Variants in CAPZB observed in about 807,000 individuals in gnomAD.
CAPZB encodes F-actin-capping protein subunit beta.
Under a neutral mutation model 38.1 loss-of-function variants are expected in CAPZB, and 2 were observed. The observed-to-expected ratio is 0.05, with a 90% CI of 0.02 to 0.17. The LOEUF (loss-of-function observed/expected upper bound fraction) is 0.17. CAPZB is among the 10% of genes least tolerant of loss of function. CAPZB has a pLI of 1.00. For missense variants in CAPZB, 161 were observed against 334.2 expected (o/e 0.48, Z 4.04); for synonymous variants, 107 against 127.4 (o/e 0.84, Z 1.08).
intron 1 of CAPZB, chr1:19,484,275 T>A: frequency 6.2e-7 from 1 of 1,611,676 alleles, no homozygotes; most frequent in Non-Finnish European, 8.5e-7. Context: ...CCTGCTTGGG[T>A]GCATCGTGTC....
At chr1:19,371,974 G>C (rs991359651) in intron 4 of CAPZB, among the ~76,000 whole-genome samples, 9 of 152,202 alleles carry the variant, frequency 5.9e-5, no homozygotes, top group African/African-American at 2.2e-4. Flanking sequence ...AGCCCAGGCC[G>C]GGGGGTGGGG....
At chr1:19,476,231 G>GATAA (rs2094606657) in intron 1 of CAPZB, among the ~76,000 whole-genome samples, 1 of 149,966 alleles carries the variant, frequency 6.7e-6, no homozygotes, top group African/African-American at 2.5e-5. Context: ...TAGATAGGCA[G>GATAA]GCAGGCAGGC....
At chr1:19,346,710 G>A (rs1308885557) in intron 6 of CAPZB, among the ~76,000 whole-genome samples, 1 of 151,982 alleles carries the variant, frequency 6.6e-6, no homozygotes, top group African/African-American at 2.4e-5. Flanking sequence ...GCAGAGGGCA[G>A]GAGAGAACCA....
At chr1:19,410,601 C>T (rs1319199217) in intron 2 of CAPZB, among the ~76,000 whole-genome samples, 1 of 152,166 alleles carries the variant, frequency 6.6e-6, no homozygotes, top group Non-Finnish European at 1.5e-5. Flanking sequence ...CTCTGCTGGT[C>T]AAGCTCTGGA....
intron 2 of CAPZB, among the ~76,000 whole-genome samples, chr1:19,418,285 G>A (rs1033770489): frequency 2.6e-5 from 4 of 151,694 alleles, no homozygotes; most frequent in South Asian, 2.1e-4. Context: ...CAGGAGTAAC[G>A]AGGGCAGCTG....
At chr1:19,375,868 C>T (rs2094142008) in intron 4 of CAPZB, among the ~76,000 whole-genome samples, 1 of 152,142 alleles carries the variant, frequency 6.6e-6, no homozygotes, top group Non-Finnish European at 1.5e-5. Context: ...GTCCTATAGT[C>T]ACTGTAAGGA....
At chr1:19,462,685 T>C (rs891065710) in intron 1 of CAPZB, among the ~76,000 whole-genome samples, 6 of 152,108 alleles carry the variant, frequency 3.9e-5, no homozygotes, top group Non-Finnish European at 4.4e-5. Context: ...TTCAAAACAG[T>C]TAAAAACAGG....
intron 1 of CAPZB, among the ~76,000 whole-genome samples, chr1:19,429,286 A>AC (rs1281348770): frequency 2.6e-5 from 4 of 151,848 alleles, no homozygotes; most frequent in African/African-American, 7.2e-5. Context: ...TTTCAAACAA[A>AC]AAAAAAAAAG....
intron 4 of CAPZB, among the ~76,000 whole-genome samples, chr1:19,366,194 C>T (rs1240324104): frequency 6.6e-6 from 1 of 151,366 alleles, no homozygotes; most frequent in Non-Finnish European, 1.5e-5. Flanking sequence ...CGCCTATAAT[C>T]CCAGCACTTT....
intron 1 of CAPZB, among the ~76,000 whole-genome samples, chr1:19,432,042 CAAAAAAAAAAA>C (rs10583269): frequency 1.7e-4 from 21 of 122,544 alleles, no homozygotes; most frequent in Non-Finnish European, 2.7e-4. Flanking sequence ...GATCCTGTCT[CAAAAAAAAAAA>C]AAAAAAAAAA....
chr1:19,484,191 T>C, intron 1 of CAPZB: 3 of 1,611,752 alleles, frequency 1.9e-6, no homozygotes, highest in Non-Finnish European at 1.7e-6. Context: ...TCTGCTCACC[T>C]GATCCGAGGG....
intron 1 of CAPZB, among the ~76,000 whole-genome samples, chr1:19,481,898 G>T (rs766324709): frequency 6.6e-6 from 1 of 152,112 alleles, no homozygotes; most frequent in Non-Finnish European, 1.5e-5. Flanking sequence ...TCAACAATGT[G>T]AGCCATGAGG....
chr1:19,346,928 A>T (rs2093964726), intron 6 of CAPZB, among the ~76,000 whole-genome samples: 2 of 143,288 alleles, frequency 1.4e-5, no homozygotes, highest in South Asian at 4.3e-4. Flanking sequence ...GGTTCAAGTG[A>T]TTCTCCTGCC....
At chr1:19,391,042 A>G (rs2094231384) in intron 2 of CAPZB, among the ~76,000 whole-genome samples, 1 of 151,120 alleles carries the variant, frequency 6.6e-6, no homozygotes, top group South Asian at 2.1e-4. Flanking sequence ...GCTAGGTTCA[A>G]AAAGAAACTG....
At chr1:19,340,802 A>C (rs1413263675) in intron 8 of CAPZB, among the ~76,000 whole-genome samples, 1 of 152,196 alleles carries the variant, frequency 6.6e-6, no homozygotes, top group African/African-American at 2.4e-5. Context: ...AATTTACCCA[A>C]CATATTGGTT....
chr1:19,425,506 C>G (rs2094419183), intron 1 of CAPZB, among the ~76,000 whole-genome samples: 1 of 151,780 alleles, frequency 6.6e-6, no homozygotes, highest in Non-Finnish European at 1.5e-5. Context: ...GGGGAGTTAC[C>G]CCATTTTAAG....
chr1:19,355,869 A>G (rs1375684526), intron 6 of CAPZB, among the ~76,000 whole-genome samples: 1 of 152,188 alleles, frequency 6.6e-6, no homozygotes, highest in Non-Finnish European at 1.5e-5. Flanking sequence ...GGTCCTGAAC[A>G]TGGACCTTTA....
chr1:19,471,324 G>A (rs931937199), intron 1 of CAPZB, among the ~76,000 whole-genome samples: 2 of 152,106 alleles, frequency 1.3e-5, no homozygotes, highest in Admixed American at 6.6e-5. Context: ...TTCCCCATTT[G>A]TTTCCCTTTA....
chr1:19,469,295 G>A (rs2094578685), intron 1 of CAPZB, among the ~76,000 whole-genome samples: 1 of 152,184 alleles, frequency 6.6e-6, no homozygotes, highest in African/African-American at 2.4e-5. Flanking sequence ...GGCAGTAGAT[G>A]ACTATATGTT....
Sources: gnomAD v4.1 joint callset for allele counts (sites outside exome capture counted in the v4.1 genomes callset) on GRCh38, gnomAD v4.1.1 for gene constraint, MANE v1.5 for transcripts, NCBI Gene and HGNC (gene_info 2026-07-23, HGNC 2026-07-21) for gene names.